The following KDM4C variants were observed in gnomAD, a reference collection of about 807,000 sequenced individuals.
The protein encoded by KDM4C is lysine-specific demethylase 4C.
KDM4C carries 81 observed loss-of-function variants against 129.3 expected under a neutral mutation model. The ratio of observed to expected loss-of-function variants is 0.63; its 90% CI spans 0.52 to 0.75. The LOEUF (loss-of-function observed/expected upper bound fraction) is 0.75, where lower values mean the gene tolerates loss of function less well. Among genes scored for constraint, KDM4C ranks in the 30% least tolerant of loss-of-function variants. The probability of loss-of-function intolerance (pLI) is 0.00; values close to 1 mark genes in which losing one functional copy is unlikely to be tolerated. For synonymous variants in KDM4C, 573 were observed against 456.1 expected (o/e 1.26, Z -3.26); for missense variants, 1,457 against 1,304.0 (o/e 1.12, Z -1.81).
Position 7,064,144 on chromosome 9 carries a change from C to T in KDM4C, c.2424+14944C>T, listed in dbSNP as rs188523347. On this transcript the variant is annotated intron_variant, in intron 17 of 21. Transcript: ENST00000381309. ...TAGATACAACTATAGTTTTGGTAGG[C>T]CTACCTTTCACATGTAACCACCCTT... 3.3e-3 allele frequency among the ~76,000 whole-genome samples: 502 copies of T among 152,236 alleles called. 1 individual carries two copies. Among genetic ancestry groups the T allele is most frequent in the South Asian group, 0.013 (62 of 4,826 alleles).
At chr9:6,928,211 T>G (rs190652129) in intron 8 of KDM4C, among the ~76,000 whole-genome samples, 2 of 152,332 alleles carry the variant, frequency 1.3e-5, no homozygotes, top group Non-Finnish European at 1.5e-5. Flanking sequence ...AACACTATAC[T>G]CACCTTGTTT....
At position 7,103,848 on chromosome 9, in the gene KDM4C, GACATAAGGTCA is replaced by G; in HGVS notation, c.2591_2601del (p.His864ProfsTer42). 6.2e-7 allele frequency: 1 copy of G among 1,613,878 alleles called. No individual in the cohort carries two copies. The highest frequency in any genetic ancestry group is 8.5e-7 in the Non-Finnish European group (1 of 1,179,902). On this transcript the variant is annotated frameshift_variant, in exon 18 of 22. Coordinates refer to ENST00000381309, the MANE Select transcript of KDM4C (RefSeq NM_015061.6). LOFTEE classifies it high-confidence loss of function. ...TATGTGGTGAACATTACATGCTTTCGACATAAGGTCAACCCCAACGTGGTAAGATGTGCCCT... is the reference window on the plus strand; with the variant it reads ...TATGTGGTGAACATTACATGCTTTCGACCCCAACGTGGTAAGATGTGCCCT...
At chr9:6,791,322 G>A (rs1172669388) in intron 1 of KDM4C, among the ~76,000 whole-genome samples, 1 of 152,076 alleles carries the variant, frequency 6.6e-6, no homozygotes, top group African/African-American at 2.4e-5. Context: ...CGTGTTGCCC[G>A]GGGTGGTCTT....
At chr9:7,089,742 A>G (rs1835569904) in intron 17 of KDM4C, among the ~76,000 whole-genome samples, 1 of 152,180 alleles carries the variant, frequency 6.6e-6, no homozygotes, top group African/African-American at 2.4e-5. Context: ...GTAATTCCCA[A>G]AGGGTGGGGG....
At chr9:6,854,267 G>T (rs979728894) in intron 5 of KDM4C, among the ~76,000 whole-genome samples, 1 of 151,964 alleles carries the variant, frequency 6.6e-6, no homozygotes, top group Non-Finnish European at 1.5e-5. Context: ...GGTGGCTCAC[G>T]CCTGTAATCC....
intron 1 of KDM4C, among the ~76,000 whole-genome samples, chr9:6,789,969 T>G (rs1465525141): frequency 6.6e-6 from 1 of 151,814 alleles, no homozygotes; most frequent in East Asian, 2.0e-4. Flanking sequence ...CATTGTGAGA[T>G]AGATGCTCAT....
chr9:7,020,931 C>G (rs1171785292), intron 15 of KDM4C, among the ~76,000 whole-genome samples: 2 of 138,912 alleles, frequency 1.4e-5, no homozygotes, highest in African/African-American at 5.3e-5. Context: ...TTTTTTGTAC[C>G]CATTAACCAT....
intron 8 of KDM4C, among the ~76,000 whole-genome samples, chr9:6,939,236 G>C (rs560525903): frequency 2.0e-5 from 3 of 152,128 alleles, no homozygotes. Flanking sequence ...GGTGGTATTA[G>C]ATTCTCATAG....
At chr9:6,946,718 C>G (rs923387870) in intron 8 of KDM4C, among the ~76,000 whole-genome samples, 2 of 151,992 alleles carry the variant, frequency 1.3e-5, no homozygotes, top group African/African-American at 4.8e-5. Flanking sequence ...GTATGTCACT[C>G]ATGTTCTTTC....
intron 5 of KDM4C, among the ~76,000 whole-genome samples, chr9:6,878,320 G>A (rs566063512): frequency 4.6e-5 from 7 of 152,266 alleles, no homozygotes; most frequent in South Asian, 2.1e-4. Flanking sequence ...ATTTTAAAAT[G>A]AACTTGATAT....
intron 19 of KDM4C, among the ~76,000 whole-genome samples, chr9:7,137,574 G>C (rs1469769671): frequency 6.6e-6 from 1 of 152,164 alleles, no homozygotes; most frequent in African/African-American, 2.4e-5. Flanking sequence ...ACTAAGTGTA[G>C]TATAATCAGG....
intron 2 of KDM4C, among the ~76,000 whole-genome samples, chr9:6,798,172 G>C (rs1828104592): frequency 6.6e-6 from 1 of 152,016 alleles, no homozygotes; most frequent in Non-Finnish European, 1.5e-5. Flanking sequence ...ATTTTTGTAA[G>C]TTTATTGTGT....
At chr9:6,939,865 CTG>C (rs1747337368) in intron 8 of KDM4C, among the ~76,000 whole-genome samples, 1 of 152,174 alleles carries the variant, frequency 6.6e-6, no homozygotes, top group African/African-American at 2.4e-5. Context: ...GAGGAAATAA[CTG>C]AAAGTCTAAG....
intron 8 of KDM4C, among the ~76,000 whole-genome samples, chr9:6,958,736 G>T (rs1589315842): frequency 7.1e-6 from 1 of 141,140 alleles, no homozygotes; most frequent in Non-Finnish European, 1.5e-5. Context: ...CCAGGCTAGA[G>T]TGCAGTGGCA....
intron 1 of KDM4C, among the ~76,000 whole-genome samples, chr9:6,752,043 A>G (rs566358699): frequency 2.2e-4 from 33 of 151,492 alleles, no homozygotes; most frequent in Non-Finnish European, 4.4e-4. Flanking sequence ...GTTAAAAATT[A>G]AGGAGGATGG....
chr9:6,913,473 C>G (rs1297122078), intron 8 of KDM4C, among the ~76,000 whole-genome samples: 1 of 152,154 alleles, frequency 6.6e-6, no homozygotes, highest in African/African-American at 2.4e-5. Context: ...ATACCTTGCG[C>G]CAGCTGGTGA....
intron 5 of KDM4C, among the ~76,000 whole-genome samples, chr9:6,864,827 T>G (rs919296056): frequency 5.9e-5 from 9 of 151,820 alleles, no homozygotes; most frequent in African/African-American, 2.2e-4. Context: ...TTAATTTATT[T>G]TTTTTCTCCT....
chr9:6,776,436 T>G (rs1375202443), intron 1 of KDM4C, among the ~76,000 whole-genome samples: 1 of 152,016 alleles, frequency 6.6e-6, no homozygotes, highest in Non-Finnish European at 1.5e-5. Flanking sequence ...TAATTTTTTG[T>G]ATTTTTAGTA....
At chr9:6,997,195 G>T (rs570312403) in intron 12 of KDM4C, among the ~76,000 whole-genome samples, 1 of 151,856 alleles carries the variant, frequency 6.6e-6, no homozygotes, top group African/African-American at 2.4e-5. Flanking sequence ...AAGGAGAGGG[G>T]GAAAGTGACA....
Sources: allele counts gnomAD v4.1 joint callset (sites outside exome capture counted in the v4.1 genomes callset), GRCh38; gene constraint gnomAD v4.1.1; transcripts MANE v1.5; gene names NCBI Gene and HGNC (gene_info 2026-07-23, HGNC 2026-07-21).